Variants in HS2ST1 observed in about 807,000 individuals in gnomAD.
The protein encoded by HS2ST1 is 2-O-sulfotransferase.
Under a neutral mutation model 42.9 loss-of-function variants are expected in HS2ST1, and 18 were observed. The ratio of observed to expected loss-of-function variants is 0.42; its 90% CI spans 0.29 to 0.62. The LOEUF (loss-of-function observed/expected upper bound fraction) is 0.62, where lower values mean the gene tolerates loss of function less well. Among genes scored for constraint, HS2ST1 ranks in the 20% least tolerant of loss-of-function variants. The pLI is 0.21. For synonymous variants in HS2ST1, 146 were observed against 152.9 expected, an observed-to-expected ratio of 0.95 and a Z score of 0.33; for missense variants, 334 against 433.8, an observed-to-expected ratio of 0.77 and a Z score of 2.04.
intron 1 of HS2ST1, among the ~76,000 whole-genome samples, chr1:87,013,613 A>G (rs1056537523): frequency 2.6e-5 from 4 of 152,184 alleles, no homozygotes; most frequent in Non-Finnish European, 4.4e-5. Context: ...TACTTATGCA[A>G]ATTTCTACAG....
At chr1:87,011,247 T>C (rs1435715346) in intron 1 of HS2ST1, among the ~76,000 whole-genome samples, 4 of 152,086 alleles carry the variant, frequency 2.6e-5, no homozygotes, top group African/African-American at 9.7e-5. Flanking sequence ...CCAAAATTTT[T>C]TCCTCTGGCA....
intron 1 of HS2ST1, among the ~76,000 whole-genome samples, chr1:86,946,917 A>G (rs1473345988): frequency 6.6e-6 from 1 of 152,230 alleles, no homozygotes; most frequent in African/African-American, 2.4e-5. Context: ...ATGGATGTAC[A>G]AATTCTCCTT....
intron 3 of HS2ST1, among the ~76,000 whole-genome samples, chr1:87,087,281 A>T (rs2100646406): frequency 6.6e-6 from 1 of 152,328 alleles, no homozygotes; most frequent in Middle Eastern, 3.4e-3. Context: ...AACACTTTTA[A>T]TGCTGTACTT....
intron 1 of HS2ST1, among the ~76,000 whole-genome samples, chr1:86,954,098 TC>T (rs1647609032): frequency 7.6e-6 from 1 of 131,108 alleles, no homozygotes; most frequent in African/African-American, 2.8e-5. Flanking sequence ...ACGCCTCTAA[TC>T]CCAGCACTTT....
At chr1:86,919,015 C>T (rs1238801673) in intron 1 of HS2ST1, among the ~76,000 whole-genome samples, 4 of 150,952 alleles carry the variant, frequency 2.6e-5, no homozygotes, top group African/African-American at 9.8e-5. Context: ...GCCTTGCTGT[C>T]ACCCAGGCTG....
chr1:87,103,450 G>A lies in HS2ST1; in HGVS notation c.705G>A (p.Trp235Ter). Residue 235 changes from tryptophan to a stop codon, truncating the protein, a stop_gained, in exon 6 of 7, where the codon TGG becomes TGA. Coordinates refer to ENST00000370550, the MANE Select transcript of HS2ST1 (RefSeq NM_012262.4). LOFTEE classifies it high-confidence loss of function. ...SSECWNVGSR[W>*]AMDQAKYNLI... is the part of the protein sequence containing the mutation. ...GTTTCAGGAATGTGGGAAGCAGGTG[G>A]GCTATGGATCAAGCCAAGTATAACC... 1 of 1,601,226 alleles carries A rather than the reference G, an allele frequency of 6.2e-7. No homozygotes were observed. Among genetic ancestry groups the A allele is most frequent in the Non-Finnish European group, 8.5e-7 (1 of 1,176,292 alleles).
chr1:87,020,539 G>A (rs1649911985), intron 1 of HS2ST1, among the ~76,000 whole-genome samples: 1 of 152,044 alleles, frequency 6.6e-6, no homozygotes. Flanking sequence ...TTATTTTATG[G>A]CCCTTTCTCT....
intron 1 of HS2ST1, among the ~76,000 whole-genome samples, chr1:86,941,630 C>T (rs570054039): frequency 3.3e-5 from 5 of 151,940 alleles, no homozygotes; most frequent in African/African-American, 4.8e-5. Flanking sequence ...AAAAATTAGC[C>T]GGGCATTGTG....
intron 1 of HS2ST1, among the ~76,000 whole-genome samples, chr1:87,062,736 C>A (rs1651148200): frequency 6.6e-6 from 1 of 152,088 alleles, no homozygotes; most frequent in Non-Finnish European, 1.5e-5. Flanking sequence ...GGTCTACTGG[C>A]AATAAATGCT....
At chr1:86,925,394 A>G (rs1245149256) in intron 1 of HS2ST1, among the ~76,000 whole-genome samples, 3 of 152,088 alleles carry the variant, frequency 2.0e-5, no homozygotes, top group African/African-American at 7.2e-5. Flanking sequence ...GCAATGCCCC[A>G]CTCTATGATA....
intron 1 of HS2ST1, among the ~76,000 whole-genome samples, chr1:86,971,304 AAAACAAAAC>A (rs1648226515): frequency 2.6e-5 from 4 of 152,138 alleles, no homozygotes; most frequent in African/African-American, 9.7e-5. Flanking sequence ...AAAACAAAAC[AAAACAAAAC>A]AAAAAAAAAC....
At chr1:87,016,159 GT>G (rs1459726593) in intron 1 of HS2ST1, among the ~76,000 whole-genome samples, 1 of 152,148 alleles carries the variant, frequency 6.6e-6, no homozygotes, top group African/African-American at 2.4e-5. Context: ...TCGTGTTGTT[GT>G]GTGTTTGCTT....
intron 1 of HS2ST1, among the ~76,000 whole-genome samples, chr1:86,957,912 C>G (rs919062230): frequency 6.6e-6 from 1 of 151,726 alleles, no homozygotes; most frequent in Non-Finnish European, 1.5e-5. Context: ...TCCTGCCTAG[C>G]CTCCTGAGTA....
intron 1 of HS2ST1, among the ~76,000 whole-genome samples, chr1:86,937,869 T>C (rs750401192): frequency 5.3e-5 from 8 of 152,118 alleles, no homozygotes; most frequent in African/African-American, 9.7e-5. Flanking sequence ...CCTACTCTTA[T>C]TTCAGTAATT....
intron 1 of HS2ST1, among the ~76,000 whole-genome samples, chr1:87,030,420 C>T (rs1650200243): frequency 6.6e-6 from 1 of 151,968 alleles, no homozygotes; most frequent in South Asian, 2.1e-4. Context: ...ATCGCTTGAG[C>T]CCAAGAGTTC....
chr1:86,993,776 G>A (rs1407010668), intron 1 of HS2ST1, among the ~76,000 whole-genome samples: 1 of 152,128 alleles, frequency 6.6e-6, no homozygotes, highest in Non-Finnish European at 1.5e-5. Flanking sequence ...GTGGCATGGG[G>A]GACTTGCTTA....
At chr1:87,052,349 A>G (rs1650857666) in intron 1 of HS2ST1, among the ~76,000 whole-genome samples, 1 of 152,110 alleles carries the variant, frequency 6.6e-6, no homozygotes, top group Admixed American at 6.5e-5. Flanking sequence ...CCAGGACTGG[A>G]ACTTGTAGTT....
In HS2ST1 at chr1:86,924,478, A is replaced by C. The variant is rs532552565; in HGVS notation, c.124+9318A>C. 1.9e-3 allele frequency among the ~76,000 whole-genome samples: 294 copies of C among 152,310 alleles called. 1 individual carries two copies. Among genetic ancestry groups the C allele is most frequent in the African/African-American group, 6.7e-3 (279 of 41,562 alleles). The stretch of plus-strand genomic sequence containing the variant: ...TTTCCCTTCCACACTGCCCTAGCAG[A>C]GGTTCTCCATGAGGGCCCCGCCCCA... On this transcript the variant is annotated intron_variant, in intron 1 of 6. Coordinates refer to ENST00000370550, the MANE Select transcript of HS2ST1 (RefSeq NM_012262.4).
chr1:87,002,153 C>T (rs1570475992), intron 1 of HS2ST1, among the ~76,000 whole-genome samples: 1 of 152,024 alleles, frequency 6.6e-6, no homozygotes, highest in African/African-American at 2.4e-5. Flanking sequence ...ACCTCGTGAT[C>T]CACCCGCTTC....
Sources: allele counts gnomAD v4.1 joint callset (sites outside exome capture counted in the v4.1 genomes callset), GRCh38; gene constraint gnomAD v4.1.1; transcripts MANE v1.5; gene names NCBI Gene and HGNC (gene_info 2026-07-23, HGNC 2026-07-21).